The following SGCD variants were observed in gnomAD, a reference collection of about 807,000 sequenced individuals.
SGCD encodes the protein sarcoglycan delta.
In SGCD, 18 loss-of-function variants were observed where a neutral mutation model predicts 36.6. The observed-to-expected ratio is 0.49, with a 90% CI of 0.34 to 0.73. SGCD has a LOEUF of 0.73. SGCD is among the 30% of genes least tolerant of loss of function. The pLI, the probability that SGCD is intolerant of heterozygous loss-of-function variation, is 0.01. For missense variants in SGCD, 387 were observed against 346.7 expected, an observed-to-expected ratio of 1.12 and a Z score of -0.92; for synonymous variants, 133 against 130.6, an observed-to-expected ratio of 1.02 and a Z score of -0.12.
intron 7 of SGCD, among the ~76,000 whole-genome samples, chr5:156,703,563 A>G (rs1372173488): frequency 6.6e-6 from 1 of 152,092 alleles, no homozygotes; most frequent in African/African-American, 2.4e-5. Flanking sequence ...AAAGGGATTT[A>G]TCCTTAGTTA....
At chr5:156,504,871 T>C (rs2127869385) in intron 3 of SGCD, among the ~76,000 whole-genome samples, 1 of 152,322 alleles carries the variant, frequency 6.6e-6, no homozygotes, top group Non-Finnish European at 1.5e-5. Flanking sequence ...ATACCCCAAA[T>C]ATAATCTTTT....
chr5:156,230,729 T>C (rs1490282780), intron 3 of SGCD, among the ~76,000 whole-genome samples: 1 of 152,202 alleles, frequency 6.6e-6, no homozygotes, highest in Non-Finnish European at 1.5e-5. Context: ...GGAGCTGTAA[T>C]CTAGTTCTGC....
At chr5:156,126,033 A>T (rs1762163493) in intron 3 of SGCD, among the ~76,000 whole-genome samples, 1 of 151,676 alleles carries the variant, frequency 6.6e-6, no homozygotes. Context: ...GCCTGCCACC[A>T]CGCCTGGCTA....
At chr5:156,011,718 G>A (rs1009676808) in intron 1 of SGCD, among the ~76,000 whole-genome samples, 6 of 152,134 alleles carry the variant, frequency 3.9e-5, no homozygotes, top group African/African-American at 1.2e-4. Context: ...GATTACAGGC[G>A]TGCGCCTCGG....
intron 7 of SGCD, among the ~76,000 whole-genome samples, chr5:156,682,548 C>T (rs545472254): frequency 3.7e-4 from 56 of 152,196 alleles, no homozygotes; most frequent in Non-Finnish European, 6.3e-4. Flanking sequence ...CAGCTTCTGC[C>T]GAAAAGGCAG....
chr5:155,956,612 C>T (rs541769774), intron 1 of SGCD, among the ~76,000 whole-genome samples: 8 of 152,178 alleles, frequency 5.3e-5, no homozygotes, highest in African/African-American at 9.6e-5. Context: ...GGCCAGAAAT[C>T]GAAAGTCAAG....
intron 3 of SGCD, among the ~76,000 whole-genome samples, chr5:156,188,676 C>CCA (rs1763821281): frequency 9.6e-5 from 13 of 136,054 alleles, no homozygotes; most frequent in African/African-American, 2.9e-4. Context: ...CCGCCCCCCC[C>CCA]GACACACATA....
In SGCD at chr5:156,227,450, A is replaced by G. The variant is rs547183393; in HGVS notation, c.-43-102084A>G. On this transcript the variant is annotated intron_variant, in intron 3 of 9. Coordinates refer to the SGCD transcript ENST00000517913. The stretch of plus-strand genomic sequence containing the variant: ...ATTTCTGGGTTCTCTATTCTGTTAT[A>G]TTGGTCTATGTGCCTATTTTTATAC... Among the ~76,000 whole-genome samples the G allele has an allele frequency of 5.3e-5, 8 of 152,174 alleles. No homozygotes were observed. In the East Asian group the frequency reaches 1.5e-3, roughly 29 times the overall value.
intron 7 of SGCD, among the ~76,000 whole-genome samples, chr5:156,724,210 G>A (rs757833760): frequency 9.9e-5 from 15 of 152,174 alleles, no homozygotes; most frequent in African/African-American, 2.4e-5. Context: ...CACTGCACCA[G>A]GGTAGGCACT....
intron 7 of SGCD, among the ~76,000 whole-genome samples, chr5:156,700,197 C>T (rs973080377): frequency 2.6e-5 from 4 of 152,198 alleles, no homozygotes; most frequent in African/African-American, 4.8e-5. Flanking sequence ...CTCTCTTTAA[C>T]GTCATGATTC....
chr5:156,614,594 T>C (rs144452792), intron 6 of SGCD, among the ~76,000 whole-genome samples: 301 of 152,350 alleles, frequency 2.0e-3, no homozygotes, highest in African/African-American at 6.9e-3. Context: ...TTCAAACCTG[T>C]TGACTCCCCC....
intron 4 of SGCD, among the ~76,000 whole-genome samples, chr5:156,534,038 C>G (rs1757995435): frequency 6.6e-6 from 1 of 152,114 alleles, no homozygotes; most frequent in Non-Finnish European, 1.5e-5. Context: ...CAATGTAACA[C>G]TATAAATTTG....
At chr5:156,404,708 G>A (rs1772323109) in intron 3 of SGCD, among the ~76,000 whole-genome samples, 1 of 152,032 alleles carries the variant, frequency 6.6e-6, no homozygotes, top group Non-Finnish European at 1.5e-5. Context: ...TGGAAAAAAT[G>A]GGTTTGCTGT....
chr5:156,335,151 G>A (rs1768279347), intron 2 of SGCD, among the ~76,000 whole-genome samples: 1 of 152,180 alleles, frequency 6.6e-6, no homozygotes, highest in African/African-American at 2.4e-5. Flanking sequence ...AAATATGCAT[G>A]TGTGTTTCAC....
intron 3 of SGCD, among the ~76,000 whole-genome samples, chr5:156,273,528 G>A (rs1338718118): frequency 6.6e-6 from 1 of 152,184 alleles, no homozygotes; most frequent in African/African-American, 2.4e-5. Context: ...GGGCTCTGCT[G>A]TAACTCTATG....
At chr5:156,039,268 T>C (rs200958101) in intron 1 of SGCD, among the ~76,000 whole-genome samples, 3 of 152,124 alleles carry the variant, frequency 2.0e-5, no homozygotes, top group East Asian at 3.9e-4. Context: ...TTCTACAGCA[T>C]ACTATTAATA....
At chr5:156,513,267 G>C (rs1275626502) in intron 4 of SGCD, among the ~76,000 whole-genome samples, 1 of 152,194 alleles carries the variant, frequency 6.6e-6, no homozygotes, top group Non-Finnish European at 1.5e-5. Flanking sequence ...GGAGGGATGA[G>C]TGGTTGGCAG....
chr5:156,458,104 A>G (rs921101075), intron 3 of SGCD, among the ~76,000 whole-genome samples: 3 of 152,186 alleles, frequency 2.0e-5, no homozygotes, highest in African/African-American at 7.2e-5. Context: ...AGAGGAGCCC[A>G]GCAGCTCTGA....
chr5:156,722,676 C>T (rs372554309), intron 7 of SGCD, among the ~76,000 whole-genome samples: 1 of 152,326 alleles, frequency 6.6e-6, no homozygotes, highest in Admixed American at 6.5e-5. Flanking sequence ...TTATCCAATG[C>T]TTCTTCCAGT....
Sources: gnomAD v4.1 joint callset for allele counts (sites outside exome capture counted in the v4.1 genomes callset) on GRCh38, gnomAD v4.1.1 for gene constraint, MANE v1.5 for transcripts, NCBI Gene and HGNC (gene_info 2026-07-23, HGNC 2026-07-21) for gene names.